ANKRD28: variants seen among roughly 807,000 people sequenced by gnomAD.
ANKRD28 encodes the protein ankyrin repeat domain 28.
ANKRD28 carries 44 observed loss-of-function variants against 126.5 expected under a neutral mutation model. The observed-to-expected ratio is 0.35, with a 90% CI of 0.27 to 0.45. The LOEUF is 0.45. Ranked by LOEUF, ANKRD28 falls within the 20% of genes least tolerant of loss-of-function variation. The pLI, the probability that ANKRD28 is intolerant of heterozygous loss-of-function variation, is 1.00. For missense variants in ANKRD28, 1,110 were observed against 1,316.6 expected, an observed-to-expected ratio of 0.84 and a Z score of 2.43; for synonymous variants, 442 against 468.5, an observed-to-expected ratio of 0.94 and a Z score of 0.73.
At chr3:15,671,327 C>T (rs554964891) in intron 27 of ANKRD28, among the ~76,000 whole-genome samples, 11 of 152,048 alleles carry the variant, frequency 7.2e-5, no homozygotes, top group Admixed American at 2.0e-4. Context: ...GAGGACGGAG[C>T]GGGAGAGAAG....
intron 1 of ANKRD28, among the ~76,000 whole-genome samples, chr3:15,828,275 G>A (rs978148440): frequency 4.6e-5 from 7 of 152,110 alleles, no homozygotes; most frequent in African/African-American, 7.2e-5. Context: ...AATGATTATG[G>A]AAAAATTATT....
chr3:15,738,649 G>C (rs1434566866), intron 4 of ANKRD28: 1 of 152,290 alleles, frequency 6.6e-6, no homozygotes, highest in African/African-American at 2.4e-5. Context: ...GCATCAATAT[G>C]GTGACCTCCC....
chr3:15,777,267 G>A (rs532828925), intron 2 of ANKRD28, among the ~76,000 whole-genome samples: 5 of 76,172 alleles, frequency 6.6e-5, no homozygotes, highest in East Asian at 4.3e-4. Flanking sequence ...GCGAGACTCC[G>A]TCTCAAAAAA....
chr3:15,812,070 T>C lies in ANKRD28; in HGVS notation c.28-16764A>G, dbSNP rs1158176505. Among the ~76,000 whole-genome samples, 1 of 151,710 alleles carries C rather than the reference T, an allele frequency of 6.6e-6. No homozygotes were observed. Among genetic ancestry groups the C allele is most frequent in the East Asian group, 2.0e-4 (1 of 5,122 alleles). On this transcript the variant is annotated intron_variant, in intron 1 of 27. Coordinates refer to the ANKRD28 transcript ENST00000399451. The surrounding 1 kb of genome is among the most constrained non-coding windows in gnomAD (Gnocchi z 4.1). Reference sequence around the variant, plus strand: ...CAGGAGGCTGAGGTCGGAGAATCGCTTGAACCCAGGAGGCTGAGGTTGCAG... The same window carrying C: ...CAGGAGGCTGAGGTCGGAGAATCGCCTGAACCCAGGAGGCTGAGGTTGCAG...
At chr3:15,756,314 A>G (rs1375600850) in intron 3 of ANKRD28, among the ~76,000 whole-genome samples, 1 of 152,212 alleles carries the variant, frequency 6.6e-6, no homozygotes, top group East Asian at 1.9e-4. Context: ...AAACCCAGCT[A>G]ATCAGTTTCC....
Position 15,685,267 on chromosome 3 carries a change from T to C in ANKRD28, c.2348A>G (p.Asp783Gly), listed in dbSNP as rs372807761. The C allele has an allele frequency of 2.4e-5, 39 of 1,613,908 alleles. No individual in the cohort carries two copies. Among genetic ancestry groups the C allele is most frequent in the Non-Finnish European group, 3.3e-5 (39 of 1,179,896 alleles). ...GTGAAGTGCCGTATATCCATGATTG[T>C]CTGCTGTGGCTGGATTTGCATCCAT... is the stretch of plus-strand genomic sequence containing the variant. ...ASMDANPATADNHGYTALHWA... is the reference protein window; with the variant it reads ...ASMDANPATAGNHGYTALHWA... Residue 783 changes from aspartate to glycine, a missense_variant, in exon 21 of 28, where the codon GAC becomes GGC. Transcript: ENST00000683139.
intron 3 of ANKRD28, among the ~76,000 whole-genome samples, chr3:15,757,252 G>C (rs1439405471): frequency 5.9e-5 from 9 of 152,082 alleles, no homozygotes; most frequent in Admixed American, 3.9e-4. Flanking sequence ...TAGGCTATTA[G>C]TAGTTTTTAG....
intron 14 of ANKRD28, among the ~76,000 whole-genome samples, chr3:15,701,175 C>G (rs2070546230): frequency 6.6e-6 from 1 of 152,172 alleles, no homozygotes; most frequent in East Asian, 1.9e-4. Context: ...GCCATTATTT[C>G]AATGCTAACA....
intron 2 of ANKRD28, among the ~76,000 whole-genome samples, chr3:15,780,064 G>A: frequency 6.6e-6 from 1 of 152,122 alleles, no homozygotes; most frequent in East Asian, 1.9e-4. Flanking sequence ...AGTGCTGCAA[G>A]TCCTAGCCAG....
chr3:15,751,026 T>C (rs1055722115), intron 4 of ANKRD28, among the ~76,000 whole-genome samples: 12 of 148,738 alleles, frequency 8.1e-5, no homozygotes, highest in African/African-American at 2.7e-4. Flanking sequence ...TAAAGTAAAA[T>C]AACAGAAAAA....
chr3:15,700,728 C>G (rs776664182), intron 14 of ANKRD28, among the ~76,000 whole-genome samples: 1 of 151,986 alleles, frequency 6.6e-6, no homozygotes, highest in Non-Finnish European at 1.5e-5. Context: ...GAGCAGAGAT[C>G]GCGCCACTGC....
At chr3:15,841,477 A>G (rs1332342778) in intron 1 of ANKRD28, among the ~76,000 whole-genome samples, 1 of 152,216 alleles carries the variant, frequency 6.6e-6, no homozygotes, top group Non-Finnish European at 1.5e-5. Context: ...GAAATAATCA[A>G]CAAAGTGAAG....
intron 6 of ANKRD28, among the ~76,000 whole-genome samples, chr3:15,728,492 G>C (rs909333502): frequency 1.3e-5 from 2 of 152,102 alleles, no homozygotes; most frequent in Non-Finnish European, 2.9e-5. Context: ...ACAGGGTCTT[G>C]CTCTGTTGCC....
At chr3:15,700,497 C>T (rs542754138) in intron 14 of ANKRD28, among the ~76,000 whole-genome samples, 3 of 151,978 alleles carry the variant, frequency 2.0e-5, no homozygotes, top group South Asian at 4.2e-4. Flanking sequence ...TATATAGGGC[C>T]GGGCGCGGTG....
chr3:15,686,131 C>A lies in ANKRD28; in HGVS notation c.2052-12G>T. On this transcript the variant is annotated splice_polypyrimidine_tract_variant and intron_variant, in intron 19 of 27. Coordinates refer to ENST00000683139, the MANE Select transcript of ANKRD28 (RefSeq NM_001349278.2). The stretch of plus-strand genomic sequence containing the variant: ...GCATCAGAGGCGTCCTGAGCAACAA[C>A]AGGAATAGGTTCAGTGCTGTCACTT... 1 of 1,610,284 alleles carries A rather than the reference C, an allele frequency of 6.2e-7. No homozygotes were observed. The highest frequency in any genetic ancestry group is 8.5e-7 in the Non-Finnish European group (1 of 1,177,900).
At chr3:15,699,235 T>A (rs143270279) in intron 14 of ANKRD28, among the ~76,000 whole-genome samples, 343 of 152,216 alleles carry the variant, frequency 2.3e-3, no homozygotes, top group African/African-American at 7.9e-3. Flanking sequence ...TATACAAAAA[T>A]TAACTCAAGA....
At chr3:15,688,588 T>C (rs550909864) in intron 18 of ANKRD28, among the ~76,000 whole-genome samples, 3 of 152,362 alleles carry the variant, frequency 2.0e-5, no homozygotes, top group Admixed American at 6.5e-5. Flanking sequence ...CTGATAGCTT[T>C]GAAGGGCGGC....
At chr3:15,857,642 CTG>C (rs1022041854) in intron 1 of ANKRD28, among the ~76,000 whole-genome samples, 27 of 152,200 alleles carry the variant, frequency 1.8e-4, no homozygotes, top group African/African-American at 5.1e-4. Flanking sequence ...ATACATAAGA[CTG>C]GAGTGGCATC....
intron 1 of ANKRD28, among the ~76,000 whole-genome samples, chr3:15,850,204 A>AAAAAAATATATATATAT (rs1486394619): frequency 1.8e-5 from 1 of 54,830 alleles, no homozygotes; most frequent in Non-Finnish European, 3.8e-5. Flanking sequence ...AAAAAAAAAA[A>AAAAAAATATATATATAT]ATATATATAT....
Sources: allele counts gnomAD v4.1 joint callset (sites outside exome capture counted in the v4.1 genomes callset), GRCh38; gene constraint gnomAD v4.1.1; non-coding constraint Gnocchi (gnomAD v3.1); transcripts MANE v1.5; gene names NCBI Gene and HGNC (gene_info 2026-07-23, HGNC 2026-07-21).